Variants in DNAJC15 observed in about 807,000 individuals in gnomAD.
DNAJC15 encodes the protein dnaJ homolog subfamily C member 15.
Under a neutral mutation model 22.4 loss-of-function variants are expected in DNAJC15, and 27 were observed. The observed-to-expected ratio is 1.20, with a 90% CI of 0.89 to 1.66. The LOEUF (loss-of-function observed/expected upper bound fraction) is 1.66. DNAJC15 is among the 40% of genes most tolerant of loss of function. The pLI is 0.00. For missense variants in DNAJC15, 208 were observed against 187.1 expected (o/e 1.11, Z -0.65); for synonymous variants, 79 against 63.2 (o/e 1.25, Z -1.19).
chr13:43,085,716 A>G (rs1166528866), intron 4 of DNAJC15, 52 bp from the exon 5 acceptor site: 2 of 1,500,564 alleles, frequency 1.3e-6, no homozygotes, highest in Admixed American at 2.0e-5. Context: ...CCCTTAATTT[A>G]TAATCTGCAT....
chr13:43,056,716 T>C (rs1186098400), intron 1 of DNAJC15, among the ~76,000 whole-genome samples: 1 of 152,190 alleles, frequency 6.6e-6, no homozygotes, highest in Admixed American at 6.5e-5. Context: ...CATATATATC[T>C]GGGATTGTGG....
At chr13:43,054,231 C>G (rs1407610000) in intron 1 of DNAJC15, among the ~76,000 whole-genome samples, 1 of 152,164 alleles carries the variant, frequency 6.6e-6, no homozygotes, top group Non-Finnish European at 1.5e-5. Context: ...TAAACTATCT[C>G]TGCATCCCTG....
intron 3 of DNAJC15, among the ~76,000 whole-genome samples, chr13:43,074,925 A>G (rs2040625953): frequency 6.6e-6 from 1 of 152,184 alleles, no homozygotes; most frequent in Non-Finnish European, 1.5e-5. Context: ...TGTAGTATTC[A>G]TGGGATGCAA....
chr13:43,083,272 A>G (rs1451318361), intron 4 of DNAJC15, among the ~76,000 whole-genome samples: 1 of 151,588 alleles, frequency 6.6e-6, no homozygotes, highest in Non-Finnish European at 1.5e-5. Flanking sequence ...GGTTCATGCC[A>G]TTTTCCTGCC....
intron 1 of DNAJC15, among the ~76,000 whole-genome samples, chr13:43,055,662 C>G (rs1051165577): frequency 4.8e-4 from 73 of 152,284 alleles, no homozygotes; most frequent in African/African-American, 1.6e-3. Flanking sequence ...TTTTACTTAT[C>G]TTTTCAAAGA....
rs1280724363 is a variant in DNAJC15 at position 43,112,145 on chromosome 13, TTTA to T, written c.*4900_*4902del. ...CCCAGCTGAGTGCTCTTTTCCTCTTTTTATTGTTGCTGAGCAAAAGAATTTATA... is the reference window on the plus strand; with the variant it reads ...CCCAGCTGAGTGCTCTTTTCCTCTTTTTGTTGCTGAGCAAAAGAATTTATA... On this transcript the variant is annotated 3_prime_UTR_variant, in exon 6 of 6. Transcript: ENST00000379221. 1 of 152,354 alleles carries T rather than the reference TTTA, an allele frequency of 6.6e-6. No individual in the cohort carries two copies. The highest frequency in any genetic ancestry group is 2.1e-4 in the South Asian group (1 of 4,826). 9.4% of individuals were successfully genotyped at this position (152,354 alleles called of 1,614,324 possible).
chr13:43,025,749 C>G (rs1055240280), intron 1 of DNAJC15, among the ~76,000 whole-genome samples: 2 of 152,018 alleles, frequency 1.3e-5, no homozygotes, highest in Admixed American at 1.3e-4. Flanking sequence ...ACTAAAAATA[C>G]AAAAATTAGC....
intron 1 of DNAJC15, among the ~76,000 whole-genome samples, chr13:43,059,506 G>A (rs1045615174): frequency 1.3e-5 from 2 of 152,046 alleles, no homozygotes; most frequent in South Asian, 2.1e-4. Context: ...CTGGGATTAC[G>A]GGCGTGCGCC....
intron 4 of DNAJC15, among the ~76,000 whole-genome samples, chr13:43,084,643 A>G (rs1209128694): frequency 6.6e-6 from 1 of 152,268 alleles, no homozygotes; most frequent in Non-Finnish European, 1.5e-5. Context: ...GCTATTAAGT[A>G]GCAGTAGTAG....
chr13:43,029,104 C>T (rs1206747637), intron 1 of DNAJC15, among the ~76,000 whole-genome samples: 1 of 152,102 alleles, frequency 6.6e-6, no homozygotes, highest in African/African-American at 2.4e-5. Context: ...TCATTGACAC[C>T]TGTATTTTTT....
intron 1 of DNAJC15, among the ~76,000 whole-genome samples, chr13:43,026,505 A>G (rs1309081728): frequency 6.6e-6 from 1 of 152,198 alleles, no homozygotes; most frequent in Non-Finnish European, 1.5e-5. Flanking sequence ...TTGTTGGTCC[A>G]GGCAATGACC....
chr13:43,029,134 A>G (rs1219673073), intron 1 of DNAJC15, among the ~76,000 whole-genome samples: 1 of 152,204 alleles, frequency 6.6e-6, no homozygotes, highest in Non-Finnish European at 1.5e-5. Context: ...GTCCTCTTAT[A>G]TGTTAGCCTC....
intron 5 of DNAJC15, among the ~76,000 whole-genome samples, chr13:43,101,387 A>T (rs1269894500): frequency 6.6e-6 from 1 of 152,068 alleles, no homozygotes; most frequent in Non-Finnish European, 1.5e-5. Flanking sequence ...GGATTGTTTA[A>T]TCCTTTCTCA....
At chr13:43,090,308 G>C (rs577971392) in intron 5 of DNAJC15, among the ~76,000 whole-genome samples, 5 of 152,198 alleles carry the variant, frequency 3.3e-5, no homozygotes, top group Non-Finnish European at 7.3e-5. Context: ...GTGATGAGTT[G>C]GCTGCTTGTG....
At chr13:43,091,073 A>AT (rs199696371) in intron 5 of DNAJC15, among the ~76,000 whole-genome samples, 2,225 of 151,574 alleles carry the variant, frequency 0.015, 55 homozygotes, top group African/African-American at 0.048. Flanking sequence ...AATTTATTTT[A>AT]TTTTTTTTAT....
At chr13:43,101,331 G>A (rs2040767886) in intron 5 of DNAJC15, among the ~76,000 whole-genome samples, 1 of 152,176 alleles carries the variant, frequency 6.6e-6, no homozygotes, top group African/African-American at 2.4e-5. Flanking sequence ...ACCTGGCTGG[G>A]TCATGTTGTA....
chr13:43,106,420 G>A (rs1566219462), intron 5 of DNAJC15, among the ~76,000 whole-genome samples: 1 of 152,028 alleles, frequency 6.6e-6, no homozygotes, highest in Non-Finnish European at 1.5e-5. Flanking sequence ...CAATGATTCT[G>A]CATTTGAAAT....
chr13:43,074,545 G>A (rs1449226223), intron 3 of DNAJC15, among the ~76,000 whole-genome samples: 5 of 152,122 alleles, frequency 3.3e-5, no homozygotes, highest in African/African-American at 1.2e-4. Context: ...AAATGGTTCT[G>A]CAGTGGCTTA....
At chr13:43,078,759 A>G in intron 4 of DNAJC15, 71 bp downstream of exon 4, 4 of 1,411,840 alleles carry the variant, frequency 2.8e-6, no homozygotes, top group East Asian at 4.6e-5. Context: ...AAACGTTACA[A>G]TAAGGTTATA....
Sources: allele counts gnomAD v4.1 joint callset (sites outside exome capture counted in the v4.1 genomes callset), GRCh38; gene constraint gnomAD v4.1.1; transcripts MANE v1.5; gene names NCBI Gene and HGNC (gene_info 2026-07-23, HGNC 2026-07-21).